KLHL1: variants seen among roughly 807,000 people sequenced by gnomAD.
The protein encoded by KLHL1 is kelch like family member 1.
In KLHL1, 47 loss-of-function variants were observed where a neutral mutation model predicts 77.7. That is an observed-to-expected ratio of 0.60 (90% CI 0.48 to 0.77). The LOEUF (loss-of-function observed/expected upper bound fraction) is 0.77, where lower values mean the gene tolerates loss of function less well. Among genes scored for constraint, KLHL1 ranks in the 30% least tolerant of loss-of-function variants. The pLI is 0.00. For synonymous variants in KLHL1, 360 were observed against 325.2 expected, an observed-to-expected ratio of 1.11 and a Z score of -1.15; for missense variants, 925 against 910.8, an observed-to-expected ratio of 1.02 and a Z score of -0.20.
intron 4 of KLHL1, among the ~76,000 whole-genome samples, chr13:69,935,209 C>T (rs962321520): frequency 2.6e-5 from 4 of 151,290 alleles, no homozygotes; most frequent in Non-Finnish European, 5.9e-5. Context: ...ATAGTTGGTA[C>T]TGGTGAACTT....
At chr13:69,768,639 T>A (rs1409951333) in intron 7 of KLHL1, among the ~76,000 whole-genome samples, 1 of 152,180 alleles carries the variant, frequency 6.6e-6, no homozygotes, top group Non-Finnish European at 1.5e-5. Context: ...TTTAATTTAC[T>A]TTTGATTATA....
chr13:69,943,744 AC>A (rs1345827784), intron 3 of KLHL1, among the ~76,000 whole-genome samples: 1 of 152,198 alleles, frequency 6.6e-6, no homozygotes, highest in Non-Finnish European at 1.5e-5. Context: ...ACTGATTATA[AC>A]ACTTTTTTAT....
At position 69,946,939 on chromosome 13, in the gene KLHL1, C is replaced by A. The variant is rs75572078; in HGVS notation, c.818-6703G>T. ...GTCATTACTTTCAATGGGAAAATTG[C>A]AATTACTTTTGTACCAACTTATCAT... On this transcript the variant is annotated intron_variant, in intron 3 of 10. Transcript: ENST00000377844. Among the ~76,000 whole-genome samples, 315 of 146,958 alleles carry A rather than the reference C, an allele frequency of 2.1e-3. 10 individuals carry two copies. The East Asian group carries it at 0.043, about 20-fold the overall frequency.
In KLHL1 at chr13:70,033,383, G is replaced by A. The variant is rs573806429; in HGVS notation, c.498-57581C>T. On this transcript the variant is annotated intron_variant, in intron 1 of 10. Coordinates refer to ENST00000377844, the MANE Select transcript of KLHL1 (RefSeq NM_020866.3). ...CGGCTCACTGTAAGCTCCGCCTCCC[G>A]GGTTCACACCATTCTCCTGCCTCAG... 1.6e-3 allele frequency among the ~76,000 whole-genome samples: 241 copies of A among 152,054 alleles called. 1 individual carries two copies. The highest frequency in any genetic ancestry group is 4.9e-3 in the African/African-American group (202 of 41,496).
Position 69,942,404 on chromosome 13 carries a change from T to G in KLHL1, c.818-2168A>C, listed in dbSNP as rs928480766. On this transcript the variant is annotated intron_variant, in intron 3 of 10. Coordinates refer to ENST00000377844, the MANE Select transcript of KLHL1 (RefSeq NM_020866.3). ...AATTTAAAAGTATATTATTGCCAGTTTGTGTATATTTTTTAACTTTGTGAT... is the reference window on the plus strand; with the variant it reads ...AATTTAAAAGTATATTATTGCCAGTGTGTGTATATTTTTTAACTTTGTGAT... Among the ~76,000 whole-genome samples the G allele has an allele frequency of 2.0e-5, 3 of 152,078 alleles. No homozygotes were observed. The East Asian group carries it at 5.8e-4, about 29-fold the overall frequency.
chr13:69,985,317 A>G (rs1337397830), intron 1 of KLHL1, among the ~76,000 whole-genome samples: 1 of 152,156 alleles, frequency 6.6e-6, no homozygotes, highest in Admixed American at 6.6e-5. Flanking sequence ...TAAAATAGGC[A>G]AAAGAACTTA....
chr13:70,033,292 C>CGTTTT (rs1345135404), intron 1 of KLHL1, among the ~76,000 whole-genome samples: 5 of 151,434 alleles, frequency 3.3e-5, no homozygotes, highest in Admixed American at 2.6e-4. Flanking sequence ...TGTTTTGTTT[C>CGTTTT]GTTTTGTTTT....
chr13:70,030,289 A>G (rs1886061445), intron 1 of KLHL1, among the ~76,000 whole-genome samples: 1 of 152,226 alleles, frequency 6.6e-6, no homozygotes, highest in South Asian at 2.1e-4. Context: ...AGCAGAATAC[A>G]CATTCTTCTC....
At chr13:69,867,609 T>C (rs1047102653) in intron 5 of KLHL1, among the ~76,000 whole-genome samples, 21 of 152,138 alleles carry the variant, frequency 1.4e-4, no homozygotes, top group African/African-American at 4.6e-4. Context: ...ATAATTAATT[T>C]GATTACTTAA....
In KLHL1 at chr13:70,107,205, G is replaced by C. The variant is rs763356067; in HGVS notation, c.495C>G (p.His165Gln). ...SSQATGEGCG[H>Q]RLSSTGHSMT... is the part of the protein sequence containing the mutation. ...AGCCCCGTGGGGACTTACTGTACCT[G>C]TGTCCACATCCTTCACCTGTTGCCT... Residue 165 changes from histidine to glutamine, a missense_variant and splice_region_variant, in exon 1 of 11, where the codon CAC becomes CAG. His to Gln is a conservative substitution (Grantham distance 24). Transcript: ENST00000377844. The C allele has an allele frequency of 3.7e-6, 6 of 1,604,200 alleles. No individual in the cohort carries two copies. In the South Asian group the frequency reaches 6.7e-5, roughly 18 times the overall value.
At chr13:69,778,355 C>A (rs1025766946) in intron 7 of KLHL1, among the ~76,000 whole-genome samples, 1 of 152,108 alleles carries the variant, frequency 6.6e-6, no homozygotes, top group Non-Finnish European at 1.5e-5. Context: ...TGTTAGTATT[C>A]CAAACCAGTT....
intron 4 of KLHL1, among the ~76,000 whole-genome samples, chr13:69,887,486 C>T (rs1030872819): frequency 1.3e-5 from 2 of 152,146 alleles, no homozygotes; most frequent in Non-Finnish European, 2.9e-5. Flanking sequence ...TGATTCATTT[C>T]CATTTTCTTG....
At chr13:69,838,342 T>C (rs763014724) in intron 6 of KLHL1, among the ~76,000 whole-genome samples, 9 of 151,930 alleles carry the variant, frequency 5.9e-5, no homozygotes, top group Admixed American at 2.0e-4. Flanking sequence ...TTATTTTTCT[T>C]GTGTACTTAT....
chr13:69,915,905 C>T (rs1242051870), intron 4 of KLHL1, among the ~76,000 whole-genome samples: 1 of 152,072 alleles, frequency 6.6e-6, no homozygotes, highest in African/African-American at 2.4e-5. Context: ...AAGAAAAAAA[C>T]AAACAACCGC....
intron 1 of KLHL1, among the ~76,000 whole-genome samples, chr13:70,018,953 G>T (rs1832179385): frequency 6.6e-6 from 1 of 152,156 alleles, no homozygotes; most frequent in African/African-American, 2.4e-5. Flanking sequence ...AAAAATAATG[G>T]AGATATCTGC....
chr13:70,040,718 C>T (rs1375252532), intron 1 of KLHL1, among the ~76,000 whole-genome samples: 1 of 152,092 alleles, frequency 6.6e-6, no homozygotes, highest in Admixed American at 6.6e-5. Context: ...GTTTTAGATT[C>T]ACCCACCTTG....
At chr13:70,039,572 G>GT (rs977713431) in intron 1 of KLHL1, among the ~76,000 whole-genome samples, 29 of 141,606 alleles carry the variant, frequency 2.0e-4, no homozygotes, top group Middle Eastern at 7.5e-3. Context: ...ATTTTATTTA[G>GT]TTTTTTTTTC....
intron 8 of KLHL1, among the ~76,000 whole-genome samples, chr13:69,730,543 A>G (rs998983491): frequency 6.6e-6 from 1 of 152,108 alleles, no homozygotes; most frequent in Non-Finnish European, 1.5e-5. Flanking sequence ...CTCTATTAGA[A>G]TTATAAAAAT....
intron 4 of KLHL1, among the ~76,000 whole-genome samples, chr13:69,925,964 T>A (rs1205218084): frequency 6.6e-6 from 1 of 152,228 alleles, no homozygotes; most frequent in Non-Finnish European, 1.5e-5. Flanking sequence ...TAGCAGCATA[T>A]CAACAATAAT....
Sources: allele counts gnomAD v4.1 joint callset (sites outside exome capture counted in the v4.1 genomes callset), GRCh38; gene constraint gnomAD v4.1.1; transcripts MANE v1.5; gene names NCBI Gene and HGNC (gene_info 2026-07-23, HGNC 2026-07-21).